Variants in EIF3H observed in about 807,000 individuals in gnomAD.
The protein encoded by EIF3H is eIF-3-gamma.
A neutral mutation model predicts 44.2 loss-of-function variants in EIF3H; 26 were observed. That is an observed-to-expected ratio of 0.59 (90% CI 0.43 to 0.82). EIF3H has a LOEUF of 0.82. Among genes scored for constraint, EIF3H ranks in the 40% least tolerant of loss-of-function variants. The probability of loss-of-function intolerance (pLI) is 0.00; values close to 1 mark genes in which losing one functional copy is unlikely to be tolerated. For synonymous variants in EIF3H, 166 were observed against 151.9 expected, an observed-to-expected ratio of 1.09 and a Z score of -0.68; for missense variants, 359 against 432.8, an observed-to-expected ratio of 0.83 and a Z score of 1.51.
chr8:116,755,288 T>G (rs1815420873), intron 1 of EIF3H, among the ~76,000 whole-genome samples: 1 of 152,166 alleles, frequency 6.6e-6, no homozygotes, highest in Admixed American at 6.5e-5. Flanking sequence ...AGGGAATCAG[T>G]GGAGTTTCCT....
upstream of EIF3H, among the ~76,000 whole-genome samples, chr8:116,758,353 A>G (rs1648471249): frequency 6.6e-6 from 1 of 152,218 alleles, no homozygotes; most frequent in South Asian, 2.1e-4. Flanking sequence ...ATCAGAACCT[A>G]TGTGAAGAAA....
Position 116,726,587 on chromosome 8 carries a change from G to A in EIF3H, c.133-415C>T, listed in dbSNP as rs201047686. ...CACAGAGATAAAGGTCTCAATTATCGGGACACCTGAAAGCAGAGCCTTCTG... is the reference window on the plus strand; with the variant it reads ...CACAGAGATAAAGGTCTCAATTATCAGGACACCTGAAAGCAGAGCCTTCTG... On this transcript the variant is annotated intron_variant, in intron 1 of 7. Transcript: ENST00000521861. 1.3e-4 allele frequency among the ~76,000 whole-genome samples: 20 copies of A among 152,202 alleles called. No individual in the cohort carries two copies. In the East Asian group the frequency reaches 1.3e-3, roughly 10 times the overall value.
chr8:116,673,851 C>T (rs1813796957), intron 2 of EIF3H, among the ~76,000 whole-genome samples: 1 of 151,900 alleles, frequency 6.6e-6, no homozygotes, highest in African/African-American at 2.4e-5. Flanking sequence ...GCGGGCGGAT[C>T]AGAGGTCAGG....
chr8:116,728,713 G>T (rs1010190424), intron 1 of EIF3H, among the ~76,000 whole-genome samples: 1 of 152,112 alleles, frequency 6.6e-6, no homozygotes, highest in Non-Finnish European at 1.5e-5. Flanking sequence ...TCCACTTCTT[G>T]AAAGGCACAA....
chr8:116,655,142 C>T (rs1175281497), intron 5 of EIF3H, among the ~76,000 whole-genome samples: 1 of 151,842 alleles, frequency 6.6e-6, no homozygotes, highest in Non-Finnish European at 1.5e-5. Context: ...TTAAGAGGAG[C>T]TATACATGTG....
intron 1 of EIF3H, among the ~76,000 whole-genome samples, chr8:116,742,283 G>A (rs953752295): frequency 6.6e-6 from 1 of 152,152 alleles, no homozygotes; most frequent in Non-Finnish European, 1.5e-5. Flanking sequence ...AAAAAGAGAA[G>A]ATAGAGGATT....
At chr8:116,667,598 GATCT>G (rs1407599198) in intron 2 of EIF3H, among the ~76,000 whole-genome samples, 5 of 152,066 alleles carry the variant, frequency 3.3e-5, no homozygotes, top group African/African-American at 1.2e-4. Context: ...AACAGAAAGA[GATCT>G]ATCAGAAGTG....
At chr8:116,674,171 G>A (rs1184787129) in intron 2 of EIF3H, among the ~76,000 whole-genome samples, 2 of 149,310 alleles carry the variant, frequency 1.3e-5, no homozygotes, top group Non-Finnish European at 3.0e-5. Flanking sequence ...AGATTAGAAA[G>A]TATAATACAT....
chr8:116,753,467 G>C (rs1050885756), intron 1 of EIF3H, among the ~76,000 whole-genome samples: 3 of 152,080 alleles, frequency 2.0e-5, no homozygotes, highest in Non-Finnish European at 4.4e-5. Flanking sequence ...AGATATGAGC[G>C]TTTTCACCAC....
chr8:116,669,465 T>C (rs1307892313), intron 2 of EIF3H, among the ~76,000 whole-genome samples: 1 of 152,134 alleles, frequency 6.6e-6, no homozygotes, highest in Non-Finnish European at 1.5e-5. Context: ...GAGTGAGCAG[T>C]AATGCCAGCT....
At position 116,648,962 on chromosome 8, in the gene EIF3H, TTTAAA is replaced by T. The variant is rs1325053296; in HGVS notation, c.708-41_708-37del. ...AAGTAAATATACTGACAAGTCTTACTTTAAATTATAGCTTTGCTACTGCTCTAAAC... is the reference window on the plus strand; with the variant it reads ...AAGTAAATATACTGACAAGTCTTACTTTATAGCTTTGCTACTGCTCTAAAC... On this transcript the variant is annotated intron_variant, in intron 5 of 7. Transcript: ENST00000521861. 1.9e-6 allele frequency: 3 copies of T among 1,581,884 alleles called. No homozygotes were observed. The African/African-American group carries it at 4.1e-5, about 21-fold the overall frequency.
intron 2 of EIF3H, among the ~76,000 whole-genome samples, chr8:116,680,698 G>A (rs1479040032): frequency 2.9e-5 from 4 of 137,110 alleles, no homozygotes; most frequent in Non-Finnish European, 4.7e-5. Context: ...GCGGAAGGCC[G>A]CAGGGTCCTC....
chr8:116,739,736 C>T (rs1815100272), intron 1 of EIF3H, among the ~76,000 whole-genome samples: 1 of 152,202 alleles, frequency 6.6e-6, no homozygotes, highest in Admixed American at 6.5e-5. Flanking sequence ...CCCCTGATTT[C>T]CCACTCCACA....
chr8:116,688,780 G>T (rs1370683998), intron 2 of EIF3H, among the ~76,000 whole-genome samples: 1 of 152,108 alleles, frequency 6.6e-6, no homozygotes, highest in Non-Finnish European at 1.5e-5. Flanking sequence ...AATATCTTTT[G>T]CAACAAAAAG....
At chr8:116,673,916 A>C (rs1813798365) in intron 2 of EIF3H, among the ~76,000 whole-genome samples, 1 of 151,722 alleles carries the variant, frequency 6.6e-6, no homozygotes, top group Admixed American at 6.6e-5. Context: ...TAAAAATACA[A>C]AAAATTAGCT....
chr8:116,646,348 T>C, intron 7 of EIF3H, 123 bp downstream of exon 7: 3 of 1,409,212 alleles, frequency 2.1e-6, no homozygotes, highest in Non-Finnish European at 3.0e-6. Context: ...TTCAAATTCA[T>C]CCTGCAACTA....
chr8:116,748,705 A>AT (rs1815280752), intron 1 of EIF3H, among the ~76,000 whole-genome samples: 3 of 152,222 alleles, frequency 2.0e-5, no homozygotes, highest in African/African-American at 7.2e-5. Context: ...GAAATAAGCA[A>AT]CAAGTAAAAA....
At chr8:116,718,662 G>A (rs2130912987) in intron 2 of EIF3H, among the ~76,000 whole-genome samples, 1 of 150,018 alleles carries the variant, frequency 6.7e-6, no homozygotes, top group African/African-American at 2.4e-5. Context: ...TCATAAGTGG[G>A]AGTGAAGCTA....
intron 2 of EIF3H, among the ~76,000 whole-genome samples, chr8:116,663,067 T>C (rs1251772322): frequency 1.3e-5 from 2 of 152,146 alleles, no homozygotes; most frequent in Non-Finnish European, 2.9e-5. Context: ...GAAGATGCCA[T>C]GTCATAGCCC....
Sources: gnomAD v4.1 joint callset for allele counts (sites outside exome capture counted in the v4.1 genomes callset) on GRCh38, gnomAD v4.1.1 for gene constraint, MANE v1.5 for transcripts, NCBI Gene and HGNC (gene_info 2026-07-23, HGNC 2026-07-21) for gene names.